RAPGEF1: variants seen among roughly 807,000 people sequenced by gnomAD.
RAPGEF1 encodes the protein Rap guanine nucleotide exchange factor 1.
Under a neutral mutation model 143.3 loss-of-function variants are expected in RAPGEF1, and 33 were observed. The ratio of observed to expected loss-of-function variants is 0.23; its 90% CI spans 0.17 to 0.31. RAPGEF1 has a LOEUF of 0.31. RAPGEF1 is among the 10% of genes least tolerant of loss of function. The pLI, the probability that RAPGEF1 is intolerant of heterozygous loss-of-function variation, is 1.00. For missense variants in RAPGEF1, 1,199 were observed against 1,645.4 expected (o/e 0.73, Z 4.69); for synonymous variants, 629 against 676.5 (o/e 0.93, Z 1.09).
rs1000568034 is a variant in RAPGEF1, at chr9:131,641,559, C to T, written c.494+1680G>A. On this transcript the variant is annotated intron_variant, in intron 4 of 26. Coordinates refer to ENST00000683357, the MANE Select transcript of RAPGEF1 (RefSeq NM_001377935.1). This position sits in a 1 kb window ranked among gnomAD's most constrained non-coding sequence, Gnocchi z 4.6. ...CTGTACCGTAAAATAAGTGCTTTAT[C>T]GTAGAACAGAGGGAGCTGATTTGTT... Among the ~76,000 whole-genome samples the T allele has an allele frequency of 6.6e-6, 1 of 152,198 alleles. No homozygotes were observed. Among genetic ancestry groups the T allele is most frequent in the Non-Finnish European group, 1.5e-5 (1 of 68,034 alleles).
rs191047245 is a variant in RAPGEF1, at chr9:131,724,121, G to T, written c.61+15649C>A. On this transcript the variant is annotated intron_variant, in intron 1 of 26. Coordinates refer to ENST00000683357, the MANE Select transcript of RAPGEF1 (RefSeq NM_001377935.1). ...ATACTACTGCCGAGAGAAGACAGAG[G>T]TGAGTGGCCATGCCAAAGCTGTAGA... Among the ~76,000 whole-genome samples the T allele has an allele frequency of 2.9e-3, 440 of 152,350 alleles. 8 individuals are homozygous for T. The highest frequency in any genetic ancestry group is 1.9e-3 in the East Asian group (10 of 5,192).
At chr9:131,680,723 G>C (rs1352163032) in intron 1 of RAPGEF1, among the ~76,000 whole-genome samples, 1 of 152,176 alleles carries the variant, frequency 6.6e-6, no homozygotes, top group East Asian at 1.9e-4. Flanking sequence ...TGACTGGCTT[G>C]CTGTTAATAA....
intron 13 of RAPGEF1, 43 bp downstream of exon 13, chr9:131,604,888 G>T (rs1267037113): frequency 1.7e-6 from 1 of 601,082 alleles, no homozygotes; most frequent in African/African-American, 3.1e-5. Flanking sequence ...GTGCAGGGGT[G>T]TGTGTGTGTG....
At chr9:131,725,763 T>G (rs561227298) in intron 1 of RAPGEF1, among the ~76,000 whole-genome samples, 2 of 150,748 alleles carry the variant, frequency 1.3e-5, no homozygotes, top group South Asian at 2.1e-4. Flanking sequence ...GGGTTGTGTT[T>G]TTTTTTTTTT....
At chr9:131,679,323 G>A (rs1832719096) in intron 1 of RAPGEF1, among the ~76,000 whole-genome samples, 1 of 152,188 alleles carries the variant, frequency 6.6e-6, no homozygotes, top group South Asian at 2.1e-4. Flanking sequence ...GCCAAATGAT[G>A]TGGGATGCCC....
intron 1 of RAPGEF1, among the ~76,000 whole-genome samples, chr9:131,701,789 G>A (rs1834670547): frequency 6.6e-6 from 1 of 152,218 alleles, no homozygotes; most frequent in South Asian, 2.1e-4. Flanking sequence ...CTTCAGACAA[G>A]TTACTTCACT....
At chr9:131,685,463 C>T (rs761615110) in intron 1 of RAPGEF1, among the ~76,000 whole-genome samples, 8 of 152,220 alleles carry the variant, frequency 5.3e-5, no homozygotes, top group African/African-American at 7.2e-5. Context: ...CCACCCAGGG[C>T]GGAAAACAGC....
At chr9:131,715,690 C>T (rs1564196335) in intron 1 of RAPGEF1, among the ~76,000 whole-genome samples, 1 of 151,642 alleles carries the variant, frequency 6.6e-6, no homozygotes. Flanking sequence ...ATGGTGAAAC[C>T]CCATCTCTAC....
At chr9:131,665,159 T>C (rs2130622207) in intron 1 of RAPGEF1, among the ~76,000 whole-genome samples, 1 of 152,320 alleles carries the variant, frequency 6.6e-6, no homozygotes, top group South Asian at 2.1e-4. Flanking sequence ...GTGGTCTCAT[T>C]ACACAACACA....
At chr9:131,620,591 T>C (rs1960599296) in intron 11 of RAPGEF1, among the ~76,000 whole-genome samples, 1 of 152,148 alleles carries the variant, frequency 6.6e-6, no homozygotes, top group African/African-American at 2.4e-5. Context: ...GCGACACGGC[T>C]AACAAGTGGC....
At chr9:131,645,052 C>A (rs1344310248) in intron 3 of RAPGEF1, among the ~76,000 whole-genome samples, 1 of 152,176 alleles carries the variant, frequency 6.6e-6, no homozygotes, top group Non-Finnish European at 1.5e-5. Context: ...GGGTCCTGCA[C>A]CCTGGCTTTA....
At chr9:131,685,748 T>C (rs559853386) in intron 1 of RAPGEF1, among the ~76,000 whole-genome samples, 167 of 152,298 alleles carry the variant, frequency 1.1e-3, no homozygotes, top group African/African-American at 3.7e-3. Flanking sequence ...TATTTCTGTG[T>C]GTGTGTCTTT....
intron 1 of RAPGEF1, among the ~76,000 whole-genome samples, chr9:131,680,399 G>A (rs192808462): frequency 2.7e-4 from 41 of 152,296 alleles, no homozygotes; most frequent in African/African-American, 9.9e-4. Flanking sequence ...CCCAAAATCT[G>A]GCCATAAATT....
chr9:131,612,583 G>A (rs1958194798), intron 12 of RAPGEF1, among the ~76,000 whole-genome samples: 3 of 152,270 alleles, frequency 2.0e-5, no homozygotes, highest in Middle Eastern at 3.4e-3. Flanking sequence ...AGGAGGTAAC[G>A]CCGTCTCCTC....
In RAPGEF1 at chr9:131,655,791, G is replaced by A. The variant is rs1346521968; in HGVS notation, c.62-4842C>T. Among the ~76,000 whole-genome samples the A allele has an allele frequency of 6.6e-6, 1 of 152,134 alleles. No individual in the cohort carries two copies. Among genetic ancestry groups the A allele is most frequent in the Non-Finnish European group, 1.5e-5 (1 of 68,028 alleles). On this transcript the variant is annotated intron_variant, in intron 1 of 26. Transcript: ENST00000683357. The surrounding 1 kb of genome is among the most constrained non-coding windows in gnomAD (Gnocchi z 4.1). ...TTTAGTAGAGACGGGGTGTCACCGT[G>A]TTAGCCAGGATGGTCTCGATCTCCT...
intron 18 of RAPGEF1, among the ~76,000 whole-genome samples, chr9:131,590,629 G>A (rs948999737): frequency 2.6e-5 from 4 of 152,160 alleles, no homozygotes; most frequent in African/African-American, 4.8e-5. Flanking sequence ...GCTCGCCATC[G>A]ACTCCCCAGA....
chr9:131,634,488 G>A (rs1187572328), intron 5 of RAPGEF1, among the ~76,000 whole-genome samples: 3 of 152,082 alleles, frequency 2.0e-5, no homozygotes, highest in Middle Eastern at 3.4e-3. Context: ...CTAGGTGGGC[G>A]GATCACTGGA....
chr9:131,601,898 C>T (rs1956328828), intron 15 of RAPGEF1, among the ~76,000 whole-genome samples, 163 bp downstream of exon 15: 1 of 152,084 alleles, frequency 6.6e-6, no homozygotes, highest in South Asian at 2.1e-4. Context: ...CAGATCAATA[C>T]CCTGTCTCTA....
chr9:131,630,002 C>T (rs186815885), intron 6 of RAPGEF1, among the ~76,000 whole-genome samples: 1 of 152,228 alleles, frequency 6.6e-6, no homozygotes, highest in East Asian at 1.9e-4. Context: ...GTATGTGTCA[C>T]TGGATGCGCT....
Sources: allele counts gnomAD v4.1 joint callset (sites outside exome capture counted in the v4.1 genomes callset), GRCh38; gene constraint gnomAD v4.1.1; non-coding constraint Gnocchi (gnomAD v3.1); transcripts MANE v1.5; gene names NCBI Gene and HGNC (gene_info 2026-07-23, HGNC 2026-07-21).